LRMDA: variants seen among roughly 807,000 people sequenced by gnomAD.
LRMDA encodes leucine rich melanocyte differentiation associated.
LRMDA carries 18 observed loss-of-function variants against 29.8 expected under a neutral mutation model. The ratio of observed to expected loss-of-function variants is 0.60; its 90% confidence interval spans 0.42 to 0.90. The LOEUF (loss-of-function observed/expected upper bound fraction) is 0.90. LRMDA is among the 40% of genes least tolerant of loss of function. The pLI is 0.00. For missense variants in LRMDA, 273 were observed against 273.9 expected (o/e 1.00, Z 0.02); for synonymous variants, 125 against 109.4 (o/e 1.14, Z -0.89).
chr10:76,108,039 A>G (rs564458866), intron 5 of LRMDA, among the ~76,000 whole-genome samples: 7 of 152,334 alleles, frequency 4.6e-5, no homozygotes, highest in Middle Eastern at 3.4e-3. Flanking sequence ...TAGAAGGCAG[A>G]ATTACTGTGG....
intron 6 of LRMDA, among the ~76,000 whole-genome samples, chr10:76,484,181 CCTT>C (rs1009321138): frequency 6.6e-6 from 1 of 151,512 alleles, no homozygotes; most frequent in Non-Finnish European, 1.5e-5. Flanking sequence ...CTCTCATTCT[CCTT>C]CTTCTCTTTC....
intron 2 of LRMDA, among the ~76,000 whole-genome samples, chr10:75,875,830 C>T (rs563398363): frequency 2.0e-5 from 3 of 152,200 alleles, no homozygotes; most frequent in Non-Finnish European, 4.4e-5. Flanking sequence ...AGTGATTGGA[C>T]TCTGTTGGGA....
chr10:75,631,545 T>G (rs1461803507), intron 2 of LRMDA, among the ~76,000 whole-genome samples: 1 of 152,142 alleles, frequency 6.6e-6, no homozygotes, highest in African/African-American at 2.4e-5. Context: ...ACGTCCTTTG[T>G]GTGAGCCTGT....
chr10:76,066,444 G>C (rs906112556), intron 5 of LRMDA, among the ~76,000 whole-genome samples: 22 of 152,276 alleles, frequency 1.4e-4, no homozygotes, highest in African/African-American at 5.3e-4. Flanking sequence ...TAAAATTACA[G>C]AGCAAGGTGG....
chr10:76,533,317 G>T (rs1166510172), intron 6 of LRMDA, among the ~76,000 whole-genome samples: 2 of 152,048 alleles, frequency 1.3e-5, no homozygotes, highest in East Asian at 3.9e-4. Flanking sequence ...TCCTATATCC[G>T]GATTCAACTG....
chr10:75,514,715 C>T (rs575768957), intron 2 of LRMDA, among the ~76,000 whole-genome samples: 7 of 152,294 alleles, frequency 4.6e-5, no homozygotes, highest in Admixed American at 2.0e-4. Flanking sequence ...GGCCCTCCTT[C>T]GCCTTCTGCT....
At chr10:75,438,225 G>C (rs1327385353) in intron 1 of LRMDA, among the ~76,000 whole-genome samples, 169 bp from the exon 2 acceptor site, 1 of 152,158 alleles carries the variant, frequency 6.6e-6, no homozygotes, top group African/African-American at 2.4e-5. Flanking sequence ...AGTCCTTGGA[G>C]CCCCCAAAGC....
intron 2 of LRMDA, among the ~76,000 whole-genome samples, chr10:75,447,608 T>C (rs764384604): frequency 5.3e-5 from 8 of 152,192 alleles, no homozygotes; most frequent in Non-Finnish European, 1.2e-4. Context: ...CCTGTAGAAG[T>C]GTCAAAACAG....
At chr10:76,434,143 C>T (rs1842220139) in intron 6 of LRMDA, among the ~76,000 whole-genome samples, 1 of 129,528 alleles carries the variant, frequency 7.7e-6, no homozygotes, top group South Asian at 2.3e-4. Flanking sequence ...CTTCTCATAT[C>T]CTCTTCTTTC....
chr10:76,055,082 A>G (rs1225247225), intron 4 of LRMDA, among the ~76,000 whole-genome samples: 1 of 149,928 alleles, frequency 6.7e-6, no homozygotes, highest in Non-Finnish European at 1.5e-5. Context: ...AAAAAAAAAA[A>G]AAAAAAAAAA....
intron 5 of LRMDA, among the ~76,000 whole-genome samples, chr10:76,062,159 T>C (rs1244726165): frequency 2.0e-5 from 3 of 152,178 alleles, no homozygotes; most frequent in African/African-American, 7.2e-5. Flanking sequence ...GAAGACCTAT[T>C]TTTCACGATG....
At chr10:75,914,069 G>A (rs759740054) in intron 2 of LRMDA, among the ~76,000 whole-genome samples, 2 of 152,206 alleles carry the variant, frequency 1.3e-5, no homozygotes, top group Non-Finnish European at 2.9e-5. Context: ...AGAGGTTTAC[G>A]AAATGAAGTG....
At chr10:75,809,918 A>T (rs1460159816) in intron 2 of LRMDA, among the ~76,000 whole-genome samples, 1 of 152,196 alleles carries the variant, frequency 6.6e-6, no homozygotes, top group African/African-American at 2.4e-5. Context: ...TGAGAATTTT[A>T]TGGTGAGTGG....
intron 2 of LRMDA, among the ~76,000 whole-genome samples, chr10:75,871,598 C>T (rs978486395): frequency 6.6e-6 from 1 of 152,140 alleles, no homozygotes; most frequent in Non-Finnish European, 1.5e-5. Context: ...TCTCTTGGGT[C>T]ATCTCCCAAA....
At chr10:76,202,295 A>AG (rs1352878089) in intron 5 of LRMDA, among the ~76,000 whole-genome samples, 13 of 152,242 alleles carry the variant, frequency 8.5e-5, no homozygotes, top group Non-Finnish European at 1.9e-4. Context: ...CTTTCCTTCC[A>AG]AACTTTTTGA....
At chr10:75,660,555 T>C (rs1157526520) in intron 2 of LRMDA, among the ~76,000 whole-genome samples, 1 of 152,132 alleles carries the variant, frequency 6.6e-6, no homozygotes, top group Non-Finnish European at 1.5e-5. Context: ...GACTCACCAA[T>C]TCATGGGACG....
intron 5 of LRMDA, among the ~76,000 whole-genome samples, chr10:76,189,083 C>T (rs182122621): frequency 2.6e-5 from 4 of 152,014 alleles, no homozygotes; most frequent in Admixed American, 2.0e-4. Flanking sequence ...TTAGGCCAGG[C>T]GTGGTGACTC....
At chr10:75,596,739 G>A (rs1399536339) in intron 2 of LRMDA, among the ~76,000 whole-genome samples, 1 of 152,060 alleles carries the variant, frequency 6.6e-6, no homozygotes, top group Admixed American at 6.6e-5. Flanking sequence ...ATTGCTAACC[G>A]TAGTCATCCT....
intron 2 of LRMDA, among the ~76,000 whole-genome samples, chr10:75,950,899 C>T (rs16932734): frequency 0.056 from 8,530 of 152,256 alleles, 499 homozygotes; most frequent in African/African-American, 0.14. Context: ...GTTGATGTTT[C>T]ATTGAGAACC....
Sources: gnomAD v4.1 joint callset for allele counts (sites outside exome capture counted in the v4.1 genomes callset) on GRCh38, gnomAD v4.1.1 for gene constraint, MANE v1.5 for transcripts, NCBI Gene and HGNC (gene_info 2026-07-23, HGNC 2026-07-21) for gene names.